KLHL23: variants seen among roughly 807,000 people sequenced by gnomAD.
KLHL23 encodes the protein kelch-like protein 23.
In KLHL23, 33 loss-of-function variants were observed where a neutral mutation model predicts 48.9. That is an observed-to-expected ratio of 0.67 (90% CI 0.51 to 0.90). KLHL23 has a LOEUF of 0.90. Among genes scored for constraint, KLHL23 ranks in the 40% least tolerant of loss-of-function variants. The probability of loss-of-function intolerance (pLI) is 0.00; values close to 1 mark genes in which losing one functional copy is unlikely to be tolerated. For missense variants in KLHL23, 608 were observed against 669.6 expected (o/e 0.91, Z 1.02); for synonymous variants, 234 against 231.6 (o/e 1.01, Z -0.09).
At chr2:169,741,742 C>T (rs1688680406) in intron 3 of KLHL23, among the ~76,000 whole-genome samples, 1 of 152,128 alleles carries the variant, frequency 6.6e-6, no homozygotes, top group South Asian at 2.1e-4. Context: ...CAAATATTTT[C>T]CCTGATGTCT....
At chr2:169,745,513 CAAAAAAAAAAAAAAAA>C (rs1157957265) in intron 3 of KLHL23, among the ~76,000 whole-genome samples, 1 of 63,650 alleles carries the variant, frequency 1.6e-5, no homozygotes, top group Non-Finnish European at 2.5e-5. Context: ...GACTCCGTCT[CAAAAAAAAAAAAAAAA>C]AAAAAAAAAA....
chr2:169,739,665 C>A (rs761838008), intron 2 of KLHL23, among the ~76,000 whole-genome samples: 83 of 152,332 alleles, frequency 5.4e-4, no homozygotes, highest in Admixed American at 9.8e-4. Flanking sequence ...GTTCATCTGT[C>A]CCTTTTTTCA....
chr2:169,736,616 C>T (rs1033743722), intron 2 of KLHL23, among the ~76,000 whole-genome samples: 2 of 152,274 alleles, frequency 1.3e-5, no homozygotes, highest in African/African-American at 4.8e-5. Flanking sequence ...TACATTCTTC[C>T]AGGAACTAGA....
chr2:169,738,839 CCCCCT>C (rs1688584845), intron 2 of KLHL23, among the ~76,000 whole-genome samples: 1 of 8,894 alleles, frequency 1.1e-4, no homozygotes. Context: ...TCCCCCTCCT[CCCCCT>C]CCCCTTCCTC....
At chr2:169,745,513 CAAAAAAAAAAAAAA>C (rs1157957265) in intron 3 of KLHL23, among the ~76,000 whole-genome samples, 2 of 63,650 alleles carry the variant, frequency 3.1e-5, no homozygotes, top group African/African-American at 7.5e-5. Context: ...GACTCCGTCT[CAAAAAAAAAAAAAA>C]AAAAAAAAAA....
In KLHL23 at chr2:169,750,068, A is replaced by ATATATACGTGTGTATACATATATGTG. The variant is rs1558952566; in HGVS notation, c.*345_*346insGTGTATACATATATGTGTATATACGT. The ATATATACGTGTGTATACATATATGTG allele has an allele frequency of 9.7e-4, 157 of 161,208 alleles. 29 individuals are homozygous for ATATATACGTGTGTATACATATATGTG. Among genetic ancestry groups the ATATATACGTGTGTATACATATATGTG allele is most frequent in the African/African-American group, 3.6e-3 (146 of 40,332 alleles). 10.0% of individuals were successfully genotyped at this position (161,208 alleles called of 1,614,324 possible). On this transcript the variant is annotated 3_prime_UTR_variant, in exon 4 of 4. Coordinates refer to ENST00000392647, the MANE Select transcript of KLHL23 (RefSeq NM_144711.6). ...AGTATGTATGTATACATGTATGTGTATATATACGTATGTATGTATACATAT... is the reference window on the plus strand; with the variant it reads ...AGTATGTATGTATACATGTATGTGTATATATACGTGTGTATACATATATGTGTATATACGTATGTATGTATACATAT...
In KLHL23 at chr2:169,737,174, A is replaced by G. The variant is rs1029548042; in HGVS notation, c.1213+947A>G. Among the ~76,000 whole-genome samples the G allele has an allele frequency of 2.0e-5, 3 of 152,234 alleles. No individual in the cohort carries two copies. In the East Asian group the frequency reaches 5.8e-4, roughly 29 times the overall value. ...TGTCATCTGTATAATGGGGATGACA[A>G]TATTACCTAGTCTCGGATCATTGAG... On this transcript the variant is annotated intron_variant, in intron 2 of 3. Coordinates refer to ENST00000392647, the MANE Select transcript of KLHL23 (RefSeq NM_144711.6).
chr2:169,747,044 G>T (rs1688806056), intron 3 of KLHL23, among the ~76,000 whole-genome samples: 1 of 152,054 alleles, frequency 6.6e-6, no homozygotes. Context: ...AAAATATGTG[G>T]AAATGAAGCA....
In KLHL23 at chr2:169,750,092, A is replaced by ATGTGTATATATACG. The variant is rs1688930898; in HGVS notation, c.*361_*362insGTGTATATATACGT. 7.3e-6 allele frequency: 1 copy of ATGTGTATATATACG among 137,582 alleles called. No individual in the cohort carries two copies. The highest frequency in any genetic ancestry group is 2.8e-5 in the African/African-American group (1 of 35,144). The allele number at this position is 137,582 out of a possible 1,614,324, so 8.5% of individuals were successfully genotyped here. Reference sequence around the variant, plus strand: ...TATATATACGTATGTATGTATACATATATGTGTATACATATATATGTGTGT... The same window carrying ATGTGTATATATACG: ...TATATATACGTATGTATGTATACATATGTGTATATATACGTATGTGTATACATATATATGTGTGT... On this transcript the variant is annotated 3_prime_UTR_variant, in exon 4 of 4. Transcript: ENST00000392647.
intron 3 of KLHL23, among the ~76,000 whole-genome samples, chr2:169,748,055 T>C (rs1688837893): frequency 6.6e-6 from 1 of 152,148 alleles, no homozygotes; most frequent in Non-Finnish European, 1.5e-5. Context: ...GCCCAGGAAT[T>C]TGAGGCTATA....
In KLHL23 at chr2:169,734,972, G is replaced by A. The variant is rs1271991154; in HGVS notation, c.-2-41G>A. On this transcript the variant is annotated intron_variant, in intron 1 of 3. Transcript: ENST00000392647. ...TAGCGTTGATTATTTGAGAGAATGT[G>A]CAACATTGAAAACACATTTGTTATT... 4.0e-6 allele frequency: 6 copies of A among 1,508,442 alleles called. 1 individual carries two copies. The South Asian group carries it at 8.4e-5, about 21-fold the overall frequency. 93.4% of individuals were successfully genotyped at this position (1,508,442 alleles called of 1,614,324 possible).
chr2:169,748,729 G>A (rs1329821575), intron 3 of KLHL23, among the ~76,000 whole-genome samples: 1 of 145,116 alleles, frequency 6.9e-6, no homozygotes, highest in Non-Finnish European at 1.5e-5. Flanking sequence ...TGTAGAGGGG[G>A]AGATAAAATG....
intron 3 of KLHL23, among the ~76,000 whole-genome samples, chr2:169,742,197 T>C (rs1688691292): frequency 6.6e-6 from 1 of 152,214 alleles, no homozygotes; most frequent in Admixed American, 6.5e-5. Flanking sequence ...TTAGGAAAGA[T>C]TCATATCATC....
At chr2:169,739,864 C>T (rs1301068260) in intron 2 of KLHL23, among the ~76,000 whole-genome samples, 1 of 152,206 alleles carries the variant, frequency 6.6e-6, no homozygotes, top group Non-Finnish European at 1.5e-5. Flanking sequence ...GCCTGTTACT[C>T]CTAGGCTTCA....
chr2:169,746,650 C>T (rs1035851146), intron 3 of KLHL23, among the ~76,000 whole-genome samples: 1 of 152,092 alleles, frequency 6.6e-6, no homozygotes, highest in African/African-American at 2.4e-5. Flanking sequence ...AGTTCCTATC[C>T]ACAACAATAG....
Position 169,749,426 on chromosome 2 carries a change from T to C in KLHL23, c.1371T>C (p.Tyr457=). 1.9e-6 allele frequency: 3 copies of C among 1,593,094 alleles called. No individual in the cohort carries two copies. The highest frequency in any genetic ancestry group is 2.6e-6 in the Non-Finnish European group (3 of 1,169,076). ...TTCTTTTTTTCTTTTTAAAAGAATA[T>C]GGATTGTGCTCAGTTCCGTTTGAAA... ...SLITSSPHPE[Y]GLCSVPFENK... The change falls in exon 4 of 4, where the codon TAT becomes TAC. Residue 457 remains tyrosine (Y), a synonymous_variant. Coordinates refer to ENST00000392647, the MANE Select transcript of KLHL23 (RefSeq NM_144711.6).
chr2:169,744,607 G>A (rs1359491966), intron 3 of KLHL23, among the ~76,000 whole-genome samples: 1 of 151,224 alleles, frequency 6.6e-6, no homozygotes, highest in Non-Finnish European at 1.5e-5. Context: ...TGCCCAGGCT[G>A]GAGTGCAGTG....
At chr2:169,734,143 C>A in intron 1 of KLHL23, 56 bp downstream of exon 1, 1 of 147,346 alleles carries the variant, frequency 6.8e-6, no homozygotes, top group South Asian at 1.8e-4. Flanking sequence ...CGAGCGGGGC[C>A]GGGCGCGGGG....
chr2:169,736,137 G>A lies in KLHL23; in HGVS notation c.1123G>A (p.Gly375Ser). 1 of 1,614,132 alleles carries A rather than the reference G, an allele frequency of 6.2e-7. No homozygotes were observed. The highest frequency in any genetic ancestry group is 8.5e-7 in the Non-Finnish European group (1 of 1,180,028). Residue 375 changes from glycine to serine, a missense_variant, in exon 2 of 4, where the codon GGT becomes AGT. This residue lies in a region of KLHL23 where 419 missense variants were observed against 473.1 expected (regional missense o/e 0.89). Coordinates refer to ENST00000392647, the MANE Select transcript of KLHL23 (RefSeq NM_144711.6). ...CTTGGGTGGCTGTGTCTATGCTTTA[G>A]GTGGTTACAGAAAAGGGGCTCCAGC... is the stretch of plus-strand genomic sequence containing the variant. ...VTLGGCVYAL[G>S]GYRKGAPAEE...
Sources: gnomAD v4.1 joint callset for allele counts (sites outside exome capture counted in the v4.1 genomes callset) on GRCh38, gnomAD v4.1.1 for gene constraint, gnomAD v4.1.1 regional missense constraint, MANE v1.5 for transcripts, NCBI Gene and HGNC (gene_info 2026-07-23, HGNC 2026-07-21) for gene names.